Variants in ZEB1 observed in about 807,000 individuals in gnomAD.
The protein encoded by ZEB1 is zinc finger E-box binding homeobox 1.
In ZEB1, 21 loss-of-function variants were observed where a neutral mutation model predicts 84.9. That is an observed-to-expected ratio of 0.25 (90% CI 0.18 to 0.36). ZEB1 has a LOEUF of 0.36. ZEB1 is among the 10% of genes least tolerant of loss of function. The probability of loss-of-function intolerance (pLI) is 1.00; values close to 1 mark genes in which losing one functional copy is unlikely to be tolerated. For missense variants in ZEB1, 1,104 were observed against 1,330.2 expected (o/e 0.83, Z 2.65); for synonymous variants, 420 against 471.1 (o/e 0.89, Z 1.41).
intron 1 of ZEB1, among the ~76,000 whole-genome samples, chr10:31,364,031 C>G (rs1373786677): frequency 6.6e-6 from 1 of 152,182 alleles, no homozygotes; most frequent in African/African-American, 2.4e-5. Context: ...GAACAAAATA[C>G]GCTTAGCGAG....
chr10:31,446,871 G>GA (rs1036345687), intron 1 of ZEB1, among the ~76,000 whole-genome samples: 5 of 152,088 alleles, frequency 3.3e-5, no homozygotes, highest in South Asian at 2.1e-4. Context: ...GTGTGGTGCT[G>GA]AAAAAAATGT....
intron 1 of ZEB1, among the ~76,000 whole-genome samples, chr10:31,421,293 C>T (rs545147511): frequency 5.9e-5 from 9 of 152,106 alleles, no homozygotes; most frequent in East Asian, 5.8e-4. Flanking sequence ...AGAAGAGTAT[C>T]GGTGTGGGTT....
chr10:31,345,177 T>C (rs890952713), intron 1 of ZEB1, among the ~76,000 whole-genome samples: 3 of 152,112 alleles, frequency 2.0e-5, no homozygotes, highest in African/African-American at 7.2e-5. Context: ...ACCATTTATG[T>C]ACTTAGCATT....
intron 1 of ZEB1, among the ~76,000 whole-genome samples, chr10:31,426,029 T>C (rs1251306147): frequency 6.6e-6 from 1 of 152,158 alleles, no homozygotes. Context: ...AGACCTGTTT[T>C]TAATCCTTTT....
chr10:31,468,477 A>C (rs900243744), intron 2 of ZEB1, among the ~76,000 whole-genome samples: 8 of 152,194 alleles, frequency 5.3e-5, no homozygotes, highest in African/African-American at 1.9e-4. Context: ...TGTAGGGTGA[A>C]CTGCACAACC....
intron 1 of ZEB1, among the ~76,000 whole-genome samples, chr10:31,366,575 G>A (rs2044541791): frequency 6.6e-6 from 1 of 152,146 alleles, no homozygotes; most frequent in South Asian, 2.1e-4. Flanking sequence ...GTACTAATTA[G>A]ATTTTTGAGC....
Position 31,521,039 on chromosome 10 carries a change from G to T in ZEB1, c.1707G>T (p.Lys569Asn), listed in dbSNP as rs184880161. 9 of 1,614,064 alleles carry T rather than the reference G, an allele frequency of 5.6e-6. No homozygotes were observed. The highest frequency in any genetic ancestry group is 5.0e-5 in the Admixed American group (3 of 60,002). ...CACTCCCTGCAGCAGAAGCTGAGAA[G>T]CCTGAGTCCTCTGTTTCATCAGCTA... ...PPPLPAAEAE[K>N]PESSVSSATG... The change falls in exon 7 of 9, where the codon AAG (lysine) becomes AAT (asparagine). Residue 569 changes from lysine to asparagine, a missense_variant. This residue lies in a region of ZEB1 where 531 missense variants were observed against 575.2 expected (regional missense o/e 0.92). Coordinates refer to ENST00000424869, the MANE Select transcript of ZEB1 (RefSeq NM_001174096.2).
At chr10:31,377,406 C>T (rs1172209348) in intron 1 of ZEB1, among the ~76,000 whole-genome samples, 2 of 151,606 alleles carry the variant, frequency 1.3e-5, no homozygotes, top group African/African-American at 2.4e-5. Flanking sequence ...ATATATGAAC[C>T]TGTTACAATT....
chr10:31,432,159 G>A (rs747067684), intron 1 of ZEB1, among the ~76,000 whole-genome samples: 9 of 152,176 alleles, frequency 5.9e-5, no homozygotes, highest in Admixed American at 1.3e-4. Context: ...AACACTGTCC[G>A]GTAGAACTTT....
intron 1 of ZEB1, among the ~76,000 whole-genome samples, chr10:31,437,148 A>G (rs762358779): frequency 6.6e-4 from 100 of 152,352 alleles, no homozygotes; most frequent in Non-Finnish European, 1.2e-3. Context: ...AGCAAGGCAT[A>G]AAAGAGAGAT....
At chr10:31,430,040 C>T (rs987953867) in intron 1 of ZEB1, among the ~76,000 whole-genome samples, 4 of 152,232 alleles carry the variant, frequency 2.6e-5, no homozygotes, top group Middle Eastern at 3.4e-3. Context: ...CACGCCCAGC[C>T]ATAGGCAGAA....
At chr10:31,422,531 A>C (rs1418445484) in intron 1 of ZEB1, among the ~76,000 whole-genome samples, 1 of 152,168 alleles carries the variant, frequency 6.6e-6, no homozygotes, top group African/African-American at 2.4e-5. Context: ...TGAATTAAAC[A>C]GTAAAATTAA....
At chr10:31,435,977 G>A (rs1223085393) in intron 1 of ZEB1, among the ~76,000 whole-genome samples, 2 of 152,158 alleles carry the variant, frequency 1.3e-5, no homozygotes, top group African/African-American at 4.8e-5. Flanking sequence ...AGTTCCAAAA[G>A]ATGAGTAGGA....
intron 1 of ZEB1, among the ~76,000 whole-genome samples, chr10:31,391,252 TGTGTGTGTGTGTGTGTGTGTGTGTGA>T (rs1013199681): frequency 3.3e-4 from 48 of 146,588 alleles, no homozygotes; most frequent in African/African-American, 1.2e-3. Flanking sequence ...TGTGTGTGTG[TGTGTGTGTGTGTGTGTGTGTGTGTGA>T]GATCCAATAA....
At chr10:31,396,319 A>G (rs1382438900) in intron 1 of ZEB1, among the ~76,000 whole-genome samples, 1 of 152,234 alleles carries the variant, frequency 6.6e-6, no homozygotes, top group Non-Finnish European at 1.5e-5. Context: ...GATACTCAGA[A>G]CAAACAAAAA....
Position 31,361,353 on chromosome 10 carries a change from C to T in ZEB1, c.58+42061C>T, listed in dbSNP as rs561616830. 3.2e-4 allele frequency: 248 copies of T among 772,148 alleles called. 1 individual carries two copies. The highest frequency in any genetic ancestry group is 6.4e-4 in the African/African-American group (37 of 58,024). 47.8% of individuals were successfully genotyped at this position (772,148 alleles called of 1,614,324 possible). On this transcript the variant is annotated intron_variant, in intron 1 of 8. Coordinates refer to ENST00000424869, the MANE Select transcript of ZEB1 (RefSeq NM_001174096.2). ...GACTACAGGCACAAGCCACCATGCCCGCCTAATTTTTGTATTTTCAGTAGA... is the reference window on the plus strand; with the variant it reads ...GACTACAGGCACAAGCCACCATGCCTGCCTAATTTTTGTATTTTCAGTAGA...
At chr10:31,365,733 C>G (rs2044337403) in intron 1 of ZEB1, among the ~76,000 whole-genome samples, 1 of 152,092 alleles carries the variant, frequency 6.6e-6, no homozygotes, top group Non-Finnish European at 1.5e-5. Flanking sequence ...ACAAAAATTG[C>G]TTATTAAAAT....
Position 31,520,629 on chromosome 10 carries a change from A to G in ZEB1, c.1297A>G (p.Asn433Asp). ...GNVIRQVLEN[N>D]QANLASKEQE... ...TGTAATAAGGCAAGTGTTGGAGAATAATCAAGCCAATCTTGCATCCAAAGA... is the reference window on the plus strand; with the variant it reads ...TGTAATAAGGCAAGTGTTGGAGAATGATCAAGCCAATCTTGCATCCAAAGA... The change falls in exon 7 of 9, where the codon AAT becomes GAT. Residue 433 changes from asparagine (N) to aspartate (D), a missense_variant. Coordinates refer to ENST00000424869, the MANE Select transcript of ZEB1 (RefSeq NM_001174096.2). This position sits in a 1 kb window ranked among gnomAD's most constrained non-coding sequence, Gnocchi z 5.1. 2 of 1,614,010 alleles carry G rather than the reference A, an allele frequency of 1.2e-6. No individual in the cohort carries two copies. The highest frequency in any genetic ancestry group is 1.7e-6 in the Non-Finnish European group (2 of 1,179,970).
At chr10:31,474,445 A>C (rs572340147) in intron 2 of ZEB1, among the ~76,000 whole-genome samples, 7 of 152,192 alleles carry the variant, frequency 4.6e-5, no homozygotes, top group Non-Finnish European at 1.0e-4. Context: ...ATGCAGCCAA[A>C]AAACACATGA....
Sources: gnomAD v4.1 joint callset for allele counts (sites outside exome capture counted in the v4.1 genomes callset) on GRCh38, gnomAD v4.1.1 for gene constraint, gnomAD v4.1.1 regional missense constraint, Gnocchi (gnomAD v3.1) non-coding constraint, MANE v1.5 for transcripts, NCBI Gene and HGNC (gene_info 2026-07-23, HGNC 2026-07-21) for gene names.